OPRM1: variants seen among roughly 807,000 people sequenced by gnomAD.
OPRM1 encodes the protein opioid receptor mu 1, also known as mu-type opioid receptor.
OPRM1 carries 27 observed loss-of-function variants against 31.8 expected under a neutral mutation model. That is an observed-to-expected ratio of 0.85 (90% confidence interval 0.63 to 1.17). The LOEUF is 1.17. Among genes scored for constraint, OPRM1 ranks in the 50% most tolerant of loss-of-function variants. The pLI, the probability that OPRM1 is intolerant of heterozygous loss-of-function variation, is 0.00. For synonymous variants in OPRM1, 196 were observed against 189.9 expected (o/e 1.03, Z -0.26); for missense variants, 536 against 511.1 (o/e 1.05, Z -0.47).
chr6:154,078,658 C>A (rs1307681869), intron 1 of OPRM1, among the ~76,000 whole-genome samples: 2 of 152,172 alleles, frequency 1.3e-5, no homozygotes, highest in Non-Finnish European at 2.9e-5. Context: ...ACCACTTGAG[C>A]ACAGGAATTT....
At chr6:154,225,530 C>T (rs1054195777) in intron 3 of OPRM1, among the ~76,000 whole-genome samples, 1 of 152,140 alleles carries the variant, frequency 6.6e-6, no homozygotes, top group Non-Finnish European at 1.5e-5. Context: ...TATGAAATAT[C>T]CAGAAGTGGA....
At position 154,217,740 on chromosome 6, in the gene OPRM1, T is replaced by TA. The variant is rs370779138; in HGVS notation, c.1165-28952dup. On this transcript the variant is annotated intron_variant, in intron 3 of 3. Transcript: ENST00000337049. The stretch of plus-strand genomic sequence containing the variant: ...TTTAAAATACCACAATAACAATTTT[T>TA]AGCTTATACCTTAGTTCATAATTGT... Among the ~76,000 whole-genome samples, 1,046 of 152,342 alleles carry TA rather than the reference T, an allele frequency of 6.9e-3. 11 individuals carry two copies. Among genetic ancestry groups the TA allele is most frequent in the Middle Eastern group, 0.024 (7 of 294 alleles).
chr6:154,242,850 T>C (rs1013443317), intron 3 of OPRM1, among the ~76,000 whole-genome samples: 2 of 151,512 alleles, frequency 1.3e-5, no homozygotes, highest in Non-Finnish European at 2.9e-5. Flanking sequence ...ATAACACCAT[T>C]GTACTCCAGC....
At chr6:154,090,920 G>C in intron 2 of OPRM1, 32 bp from the exon 3 acceptor site, 3 of 1,583,018 alleles carry the variant, frequency 1.9e-6, no homozygotes, top group South Asian at 1.2e-5. Flanking sequence ...AAATGTTGCT[G>C]CTAATTTTTC....
intron 3 of OPRM1, among the ~76,000 whole-genome samples, chr6:154,172,502 C>T (rs953028054): frequency 7.2e-5 from 11 of 152,230 alleles, no homozygotes; most frequent in Non-Finnish European, 8.8e-5. Flanking sequence ...ATGCCTGGCT[C>T]GGTGGGTCCC....
At position 154,119,462 on chromosome 6, in the gene OPRM1, G is replaced by A; in HGVS notation, c.*741G>A. The A allele has an allele frequency of 1.0e-6, 1 of 985,104 alleles. No individual in the cohort carries two copies. Among genetic ancestry groups the A allele is most frequent in the Non-Finnish European group, 1.2e-6 (1 of 829,682 alleles). 61.0% of individuals were successfully genotyped at this position (985,104 alleles called of 1,614,324 possible). A position where few individuals can be genotyped will look rare whatever the true frequency, so the allele number is the denominator to read the frequency against. ...TAGGCTTTCAGTGGTTTGTTCCTCA[G>A]TTTTAAATGTGCAATTTTCTTGCTC... On this transcript the variant is annotated 3_prime_UTR_variant, in exon 4 of 4. Coordinates refer to ENST00000330432, the MANE Select transcript of OPRM1 (RefSeq NM_000914.5).
intron 3 of OPRM1, among the ~76,000 whole-genome samples, chr6:154,221,548 G>C (rs1778859235): frequency 6.6e-6 from 1 of 152,200 alleles, no homozygotes; most frequent in South Asian, 2.1e-4. Flanking sequence ...GAACAGGGCT[G>C]AGTCTTAGCT....
intron 1 of OPRM1, among the ~76,000 whole-genome samples, chr6:154,064,918 A>T (rs1382789383): frequency 3.3e-5 from 5 of 152,126 alleles, no homozygotes; most frequent in Admixed American, 2.0e-4. Flanking sequence ...GAATTCAGGA[A>T]GTGTGAGTCC....
intron 1 of OPRM1, among the ~76,000 whole-genome samples, chr6:154,028,963 C>CT (rs1363589851): frequency 6.6e-6 from 1 of 152,142 alleles, no homozygotes; most frequent in Non-Finnish European, 1.5e-5. Context: ...TTATGAGGTA[C>CT]TTTTTTGTGT....
intron 1 of OPRM1, among the ~76,000 whole-genome samples, chr6:154,089,261 T>A (rs1791407771): frequency 6.6e-6 from 1 of 151,968 alleles, no homozygotes; most frequent in Admixed American, 6.6e-5. Flanking sequence ...CTATTAGACC[T>A]ATCACAATGA....
At chr6:154,167,334 T>C (rs1479190935) in intron 3 of OPRM1, among the ~76,000 whole-genome samples, 1 of 152,182 alleles carries the variant, frequency 6.6e-6, no homozygotes, top group Non-Finnish European at 1.5e-5. Flanking sequence ...TTTCCCTTAT[T>C]CCCATTGTGA....
At chr6:154,140,332 ATT>A (rs11313350) in intron 3 of OPRM1, among the ~76,000 whole-genome samples, 48 of 130,136 alleles carry the variant, frequency 3.7e-4, no homozygotes, top group South Asian at 2.5e-3. Flanking sequence ...ATGTTATTTT[ATT>A]TTTTTTTTTT....
intron 1 of OPRM1, among the ~76,000 whole-genome samples, chr6:154,087,958 C>A (rs567166932): frequency 6.6e-6 from 1 of 152,108 alleles, no homozygotes; most frequent in East Asian, 1.9e-4. Context: ...TATAACACTC[C>A]TAGATACTTA....
At chr6:154,098,261 C>A (rs138351468) in intron 3 of OPRM1, among the ~76,000 whole-genome samples, 1 of 135,632 alleles carries the variant, frequency 7.4e-6, no homozygotes, top group South Asian at 2.9e-4. Flanking sequence ...ATTGGATTAA[C>A]TAAAGTGGTG....
intron 3 of OPRM1, among the ~76,000 whole-genome samples, chr6:154,204,237 G>A (rs1419794965): frequency 1.3e-5 from 2 of 151,996 alleles, no homozygotes; most frequent in African/African-American, 4.8e-5. Flanking sequence ...CCTTTTCTTG[G>A]AATTGTTTTT....
At chr6:154,152,576 T>C (rs1397527656) in intron 3 of OPRM1, among the ~76,000 whole-genome samples, 1 of 151,668 alleles carries the variant, frequency 6.6e-6, no homozygotes, top group African/African-American at 2.4e-5. Flanking sequence ...ACCTAAGATG[T>C]TAAGGCCTAA....
intron 3 of OPRM1, among the ~76,000 whole-genome samples, chr6:154,192,738 C>A (rs1295611205): frequency 6.6e-6 from 1 of 152,056 alleles, no homozygotes; most frequent in African/African-American, 2.4e-5. Context: ...AGAAGACATA[C>A]AAATGGCCAA....
intron 1 of OPRM1, among the ~76,000 whole-genome samples, chr6:154,018,565 A>G (rs560821913): frequency 1.1e-4 from 17 of 151,480 alleles, no homozygotes; most frequent in African/African-American, 4.1e-4. Context: ...ACCAAAACCA[A>G]TTATAGTCCT....
At chr6:154,192,226 A>G (rs1270688358) in intron 3 of OPRM1, among the ~76,000 whole-genome samples, 1 of 152,072 alleles carries the variant, frequency 6.6e-6, no homozygotes, top group Non-Finnish European at 1.5e-5. Context: ...ATATCTCTTC[A>G]GCATGGGTGA....
Sources: allele counts gnomAD v4.1 joint callset (sites outside exome capture counted in the v4.1 genomes callset), GRCh38; gene constraint gnomAD v4.1.1; transcripts MANE v1.5; gene names NCBI Gene and HGNC (gene_info 2026-07-23, HGNC 2026-07-21).